CLIP2: variants seen among roughly 807,000 people sequenced by gnomAD.
CLIP2 encodes the protein CAP-Gly domain-containing linker protein 2.
A neutral mutation model predicts 111.7 loss-of-function variants in CLIP2; 41 were observed. That is an observed-to-expected ratio of 0.37 (90% CI 0.29 to 0.48). CLIP2 has a LOEUF of 0.48. Ranked by LOEUF, CLIP2 falls within the 20% of genes least tolerant of loss-of-function variation. CLIP2 has a pLI of 0.99. For missense variants in CLIP2, 1,160 were observed against 1,422.1 expected, an observed-to-expected ratio of 0.82 and a Z score of 2.96; for synonymous variants, 660 against 644.2, an observed-to-expected ratio of 1.02 and a Z score of -0.37.
chr7:74,345,077 T>G (rs1789766453), intron 3 of CLIP2, among the ~76,000 whole-genome samples: 2 of 152,162 alleles, frequency 1.3e-5, no homozygotes, highest in Admixed American at 6.6e-5. Flanking sequence ...AGTACCCGCC[T>G]CATGGAAATG....
intron 2 of CLIP2, among the ~76,000 whole-genome samples, chr7:74,321,145 C>G (rs375192734): frequency 6.6e-6 from 1 of 152,050 alleles, no homozygotes; most frequent in Non-Finnish European, 1.5e-5. Flanking sequence ...TGGGATCAAG[C>G]GAGTTAATGA....
intron 3 of CLIP2, among the ~76,000 whole-genome samples, chr7:74,344,574 A>T (rs1457249123): frequency 8.6e-5 from 13 of 151,162 alleles, no homozygotes; most frequent in Admixed American, 7.3e-4. Context: ...TTATTTATTT[A>T]TTTTTTTTGC....
chr7:74,401,053 G>A (rs951844143), intron 15 of CLIP2, among the ~76,000 whole-genome samples: 3 of 150,064 alleles, frequency 2.0e-5, no homozygotes, highest in East Asian at 2.0e-4. Flanking sequence ...TCTCTGTCCC[G>A]GGAACCTTGA....
chr7:74,294,394 C>T (rs967188181), intron 1 of CLIP2, among the ~76,000 whole-genome samples: 5 of 152,300 alleles, frequency 3.3e-5, no homozygotes, highest in African/African-American at 9.6e-5. Flanking sequence ...TTTTTATTAA[C>T]GAGGCCTGAA....
intron 8 of CLIP2, among the ~76,000 whole-genome samples, chr7:74,365,061 A>C (rs1246138762): frequency 6.8e-6 from 1 of 148,060 alleles, no homozygotes; most frequent in East Asian, 2.0e-4. Flanking sequence ...GACTGTCTCA[A>C]AAAAAAGAAT....
Position 74,314,885 on chromosome 7 carries a change from C to A in CLIP2, c.-67-2595C>A, listed in dbSNP as rs545804793. 2.6e-5 allele frequency among the ~76,000 whole-genome samples: 4 copies of A among 152,230 alleles called. No homozygotes were observed. The South Asian group carries it at 8.3e-4, about 32-fold the overall frequency. ...TCCCATCTTGCTGCCCCCTGACCCCCTAAACAGATAGCATCATGCCTGGAG... is the reference window on the plus strand; with the variant it reads ...TCCCATCTTGCTGCCCCCTGACCCCATAAACAGATAGCATCATGCCTGGAG... On this transcript the variant is annotated intron_variant, in intron 1 of 16. Coordinates refer to ENST00000223398, the MANE Select transcript of CLIP2 (RefSeq NM_003388.5).
intron 6 of CLIP2, among the ~76,000 whole-genome samples, chr7:74,359,454 C>T (rs77515531): frequency 9.3e-5 from 14 of 149,790 alleles, no homozygotes; most frequent in African/African-American, 1.2e-4. Flanking sequence ...CCCAGGTTCA[C>T]GCCATTCTCC....
chr7:74,329,571 T>C (rs1554731039), intron 2 of CLIP2, among the ~76,000 whole-genome samples: 1 of 151,996 alleles, frequency 6.6e-6, no homozygotes, highest in African/African-American at 2.4e-5. Context: ...GTTTGTTTGT[T>C]TGTTTGTTTT....
intron 2 of CLIP2, among the ~76,000 whole-genome samples, chr7:74,336,954 C>A (rs1220848524): frequency 6.8e-6 from 1 of 147,260 alleles, no homozygotes; most frequent in Non-Finnish European, 1.5e-5. Context: ...GGTGCTGTCT[C>A]GGCTCACTGT....
At position 74,356,444 on chromosome 7, in the gene CLIP2, G is replaced by A. The variant is rs1328322824; in HGVS notation, c.838G>A (p.Ala280Thr). ...FQCPPKFGLFAPIHKVIRIGF... is the reference protein window; with the variant it reads ...FQCPPKFGLFTPIHKVIRIGF... ...GTGCCCACCCAAGTTTGGTCTCTTC[G>A]CGCCCATCCACAAAGTGATCCGTAT... The change falls in exon 5 of 17, where the codon GCG becomes ACG. Residue 280 changes from alanine (A) to threonine (T), a missense_variant. Transcript: ENST00000223398. 1.9e-6 allele frequency: 3 copies of A among 1,614,004 alleles called. No homozygotes were observed. Among genetic ancestry groups the A allele is most frequent in the East Asian group, 2.2e-5 (1 of 44,892 alleles).
At chr7:74,352,430 C>A (rs1316877655) in intron 3 of CLIP2, among the ~76,000 whole-genome samples, 15 of 151,480 alleles carry the variant, frequency 9.9e-5, no homozygotes, top group Non-Finnish European at 2.9e-5. Flanking sequence ...GAGTGAGACT[C>A]TGTCTTAAAA....
chr7:74,331,570 T>C (rs538382200), intron 2 of CLIP2, among the ~76,000 whole-genome samples: 81 of 134,186 alleles, frequency 6.0e-4, no homozygotes, highest in East Asian at 1.5e-3. Flanking sequence ...TTCTTTTTTT[T>C]TTTTTTTTTT....
chr7:74,384,197 AACAACG>A (rs1360110669), intron 11 of CLIP2, among the ~76,000 whole-genome samples: 1 of 151,926 alleles, frequency 6.6e-6, no homozygotes, highest in Non-Finnish European at 1.5e-5. Context: ...CTCAAACAAC[AACAACG>A]ACAACAAAAC....
intron 2 of CLIP2, among the ~76,000 whole-genome samples, chr7:74,326,077 A>G (rs1789098023): frequency 6.6e-6 from 1 of 151,974 alleles, no homozygotes; most frequent in Admixed American, 6.6e-5. Context: ...CGTCTCTACT[A>G]AAAATAACAA....
intron 9 of CLIP2, among the ~76,000 whole-genome samples, chr7:74,375,546 CAAAAAAAAAAAAAAA>C (rs34885959): frequency 3.0e-5 from 1 of 33,160 alleles, no homozygotes; most frequent in African/African-American, 1.4e-4. Context: ...GAGCGAGACT[CAAAAAAAAAAAAAAA>C]AAAAAAAAAA....
At chr7:74,302,602 A>G (rs761362444) in intron 1 of CLIP2, among the ~76,000 whole-genome samples, 5 of 152,188 alleles carry the variant, frequency 3.3e-5, no homozygotes, top group Non-Finnish European at 7.4e-5. Context: ...CTTGTCTCCC[A>G]GCTGCAGGTG....
chr7:74,335,494 TATTTATTC>T (rs1178673935), intron 2 of CLIP2, among the ~76,000 whole-genome samples: 1 of 115,100 alleles, frequency 8.7e-6, no homozygotes, highest in Non-Finnish European at 2.1e-5. Flanking sequence ...GCACCTGGCT[TATTTATTC>T]ATTTATTTAT....
intron 1 of CLIP2, among the ~76,000 whole-genome samples, chr7:74,315,599 C>T (rs1584318820): frequency 6.6e-6 from 1 of 151,580 alleles, no homozygotes; most frequent in East Asian, 1.9e-4. Flanking sequence ...GAGATGGAGC[C>T]TCACTCTGTT....
chr7:74,295,443 C>T (rs570483309), intron 1 of CLIP2, among the ~76,000 whole-genome samples: 6 of 152,220 alleles, frequency 3.9e-5, no homozygotes, highest in East Asian at 1.9e-4. Flanking sequence ...ATACTGGCGG[C>T]GGGGAGAAGT....
Sources: allele counts gnomAD v4.1 joint callset (sites outside exome capture counted in the v4.1 genomes callset), GRCh38; gene constraint gnomAD v4.1.1; transcripts MANE v1.5; gene names NCBI Gene and HGNC (gene_info 2026-07-23, HGNC 2026-07-21).